Variants in XYLT1 observed in about 807,000 individuals in gnomAD.
XYLT1 encodes the protein beta-D-xylosyltransferase 1.
A neutral mutation model predicts 91.3 loss-of-function variants in XYLT1; 36 were observed. The ratio of observed to expected loss-of-function variants is 0.39; its 90% CI spans 0.30 to 0.52. The LOEUF (loss-of-function observed/expected upper bound fraction) is 0.52. Ranked by LOEUF, XYLT1 falls within the 20% of genes least tolerant of loss-of-function variation. XYLT1 has a pLI of 0.68. For synonymous variants in XYLT1, 588 were observed against 532.0 expected, an observed-to-expected ratio of 1.11 and a Z score of -1.45; for missense variants, 1,242 against 1,284.5, an observed-to-expected ratio of 0.97 and a Z score of 0.51.
At chr16:17,202,408 C>T (rs535883396) in intron 3 of XYLT1, among the ~76,000 whole-genome samples, 1 of 152,216 alleles carries the variant, frequency 6.6e-6, no homozygotes, top group African/African-American at 2.4e-5. Context: ...TCACACTACA[C>T]AGCCTCTATG....
intron 1 of XYLT1, among the ~76,000 whole-genome samples, chr16:17,359,670 A>T (rs1003734322): frequency 6.6e-6 from 1 of 152,120 alleles, no homozygotes; most frequent in African/African-American, 2.4e-5. Context: ...CATGGAGGGG[A>T]ATATGTTCTC....
At chr16:17,173,791 T>C (rs2031880822) in intron 5 of XYLT1, among the ~76,000 whole-genome samples, 1 of 152,278 alleles carries the variant, frequency 6.6e-6, no homozygotes, top group Non-Finnish European at 1.5e-5. Context: ...AGATCATCTC[T>C]ACTCCTTAAT....
chr16:17,110,201 A>C (rs1966835101), intron 11 of XYLT1, among the ~76,000 whole-genome samples: 1 of 152,176 alleles, frequency 6.6e-6, no homozygotes, highest in Admixed American at 6.5e-5. Flanking sequence ...GTGAGGCTTA[A>C]GTGTGCTGAC....
chr16:17,176,188 G>A (rs763403093), intron 5 of XYLT1, among the ~76,000 whole-genome samples: 3 of 152,160 alleles, frequency 2.0e-5, no homozygotes, highest in Non-Finnish European at 4.4e-5. Context: ...TACTTACTGA[G>A]CTCTCACTAT....
chr16:17,433,640 T>C (rs2036417623), intron 1 of XYLT1, among the ~76,000 whole-genome samples: 1 of 152,182 alleles, frequency 6.6e-6, no homozygotes, highest in Admixed American at 6.5e-5. Flanking sequence ...ATCTGGGTGC[T>C]GGGTAGTTGA....
At chr16:17,463,774 G>A (rs2036851453) in intron 1 of XYLT1, among the ~76,000 whole-genome samples, 1 of 152,244 alleles carries the variant, frequency 6.6e-6, no homozygotes, top group Admixed American at 6.5e-5. Flanking sequence ...AAATCCAAGA[G>A]CTATCTGCAC....
chr16:17,368,376 T>C (rs1229944699), intron 1 of XYLT1, among the ~76,000 whole-genome samples: 2 of 152,126 alleles, frequency 1.3e-5, no homozygotes, highest in East Asian at 3.9e-4. Context: ...TCCTCTAATA[T>C]TTCTTAATGA....
chr16:17,136,312 G>T (rs1487216428), intron 8 of XYLT1, among the ~76,000 whole-genome samples: 1 of 152,040 alleles, frequency 6.6e-6, no homozygotes, highest in Non-Finnish European at 1.5e-5. Context: ...TATCACTCCA[G>T]GACTGAGGCA....
intron 1 of XYLT1, among the ~76,000 whole-genome samples, chr16:17,410,686 G>A (rs185174853): frequency 4.1e-5 from 6 of 145,554 alleles, no homozygotes; most frequent in South Asian, 4.3e-4. Context: ...CTCACTCTGC[G>A]GCCCAAGCTG....
At chr16:17,246,902 C>T (rs759628977) in intron 3 of XYLT1, among the ~76,000 whole-genome samples, 1 of 152,096 alleles carries the variant, frequency 6.6e-6, no homozygotes, top group Non-Finnish European at 1.5e-5. Flanking sequence ...GTGACATGTA[C>T]CCCAGCAGGG....
At chr16:17,153,965 C>A (rs927344760) in intron 6 of XYLT1, among the ~76,000 whole-genome samples, 3 of 152,182 alleles carry the variant, frequency 2.0e-5, no homozygotes, top group Non-Finnish European at 2.9e-5. Context: ...TCAGACGGAA[C>A]CAGGTTCCAT....
chr16:17,138,725 A>G (rs2030864929), intron 7 of XYLT1, 194 bp from the exon 8 acceptor site: 2 of 566,554 alleles, frequency 3.5e-6, no homozygotes, highest in Admixed American at 3.1e-5. Context: ...TCTTTTCTTT[A>G]TAAATTACCA....
At chr16:17,318,790 C>CTTT (rs58376375) in intron 2 of XYLT1, among the ~76,000 whole-genome samples, 11 of 142,636 alleles carry the variant, frequency 7.7e-5, no homozygotes, top group Non-Finnish European at 1.2e-4. Context: ...TCTGCTTACT[C>CTTT]TTTTTTTTTT....
intron 2 of XYLT1, among the ~76,000 whole-genome samples, 160 bp downstream of exon 2, chr16:17,357,852 T>C (rs906008124): frequency 2.6e-5 from 4 of 152,224 alleles, no homozygotes; most frequent in African/African-American, 9.6e-5. Flanking sequence ...GTGTACACTA[T>C]ATGCCAGTGT....
intron 5 of XYLT1, among the ~76,000 whole-genome samples, chr16:17,170,806 A>T (rs1410428732): frequency 6.6e-6 from 1 of 152,112 alleles, no homozygotes; most frequent in Non-Finnish European, 1.5e-5. Context: ...TTCCTAACGC[A>T]CCTACACTAA....
At chr16:17,221,807 T>C (rs1180263862) in intron 3 of XYLT1, among the ~76,000 whole-genome samples, 2 of 152,146 alleles carry the variant, frequency 1.3e-5, no homozygotes, top group Non-Finnish European at 2.9e-5. Context: ...CCTTTGTGCT[T>C]TACATAGAGC....
chr16:17,309,606 G>A (rs78041821), intron 2 of XYLT1, among the ~76,000 whole-genome samples: 14,428 of 152,204 alleles, frequency 0.095, 866 homozygotes, highest in South Asian at 0.18. Flanking sequence ...TTGTTAAGAG[G>A]GGAAATTTTC....
At chr16:17,398,665 T>C (rs973542679) in intron 1 of XYLT1, among the ~76,000 whole-genome samples, 2 of 152,148 alleles carry the variant, frequency 1.3e-5, no homozygotes, top group African/African-American at 2.4e-5. Context: ...TTTTGAAGCC[T>C]GTGAGAAAGA....
chr16:17,109,509 A>C (rs189342866), intron 11 of XYLT1, among the ~76,000 whole-genome samples: 1 of 152,340 alleles, frequency 6.6e-6, no homozygotes, highest in East Asian at 1.9e-4. Flanking sequence ...TAGATAAATA[A>C]GGTTATTTCA....
Sources: gnomAD v4.1 joint callset for allele counts (sites outside exome capture counted in the v4.1 genomes callset) on GRCh38, gnomAD v4.1.1 for gene constraint, MANE v1.5 for transcripts, NCBI Gene and HGNC (gene_info 2026-07-23, HGNC 2026-07-21) for gene names.